The following KLHL1 variants were observed in gnomAD, a reference collection of about 807,000 sequenced individuals.
The protein encoded by KLHL1 is kelch like family member 1.
KLHL1 carries 47 observed loss-of-function variants against 77.7 expected under a neutral mutation model. That is an observed-to-expected ratio of 0.60 (90% CI 0.48 to 0.77). The LOEUF is 0.77. KLHL1 is among the 30% of genes least tolerant of loss of function. KLHL1 has a pLI of 0.00. For synonymous variants in KLHL1, 360 were observed against 325.2 expected (o/e 1.11, Z -1.15); for missense variants, 925 against 910.8 (o/e 1.02, Z -0.20).
chr13:69,909,980 C>T (rs1882181339), intron 4 of KLHL1, among the ~76,000 whole-genome samples: 1 of 152,054 alleles, frequency 6.6e-6, no homozygotes, highest in Admixed American at 6.6e-5. Flanking sequence ...TTTGGCAAAT[C>T]TCACTGTCTA....
rs146068146 is a variant in KLHL1 at position 70,081,642 on chromosome 13, T to C, written c.497+25561A>G. ...CAAATGGAGAGAGACACTCTCTCTATTAAGATAAATTCTTTCAATGATCAA... is the reference window on the plus strand; with the variant it reads ...CAAATGGAGAGAGACACTCTCTCTACTAAGATAAATTCTTTCAATGATCAA... On this transcript the variant is annotated intron_variant, in intron 1 of 10. Transcript: ENST00000377844. 3.6e-3 allele frequency among the ~76,000 whole-genome samples: 549 copies of C among 152,294 alleles called. 2 individuals carry two copies. Among genetic ancestry groups the C allele is most frequent in the African/African-American group, 0.012 (512 of 41,568 alleles).
intron 1 of KLHL1, among the ~76,000 whole-genome samples, chr13:70,010,303 A>G (rs1488715635): frequency 6.6e-6 from 1 of 152,168 alleles, no homozygotes; most frequent in African/African-American, 2.4e-5. Flanking sequence ...AAGATCAATC[A>G]AAAGCCTGTT....
In KLHL1 at chr13:69,707,814, T is replaced by A. The variant is rs775326955; in HGVS notation, c.2016-18A>T. 1 of 1,606,688 alleles carries A rather than the reference T, an allele frequency of 6.2e-7. No individual in the cohort carries two copies. The highest frequency in any genetic ancestry group is 1.7e-5 in the Admixed American group (1 of 59,546). On this transcript the variant is annotated intron_variant, in intron 9 of 10. Transcript: ENST00000377844. ...GATCATATCTAAAATTCAATGACAA[T>A]AGTACATAACATATTCTAATCACAT... is the stretch of plus-strand genomic sequence containing the variant.
chr13:69,710,838 G>A (rs1477823214), intron 9 of KLHL1, among the ~76,000 whole-genome samples: 1 of 151,796 alleles, frequency 6.6e-6, no homozygotes, highest in East Asian at 1.9e-4. Context: ...TAAGGTGGTG[G>A]GTGTGGGGTC....
chr13:70,018,047 A>G (rs1885701924), intron 1 of KLHL1, among the ~76,000 whole-genome samples: 1 of 105,578 alleles, frequency 9.5e-6, no homozygotes, highest in African/African-American at 3.3e-5. Context: ...AAATAGAACT[A>G]GCGCAAAAAA....
At chr13:69,762,773 C>T (rs1000062985) in intron 7 of KLHL1, among the ~76,000 whole-genome samples, 1 of 150,882 alleles carries the variant, frequency 6.6e-6, no homozygotes, top group African/African-American at 2.4e-5. Context: ...TTTCTTATGT[C>T]TCTATGAACA....
At chr13:69,945,574 TAAAG>T (rs954754360) in intron 3 of KLHL1, among the ~76,000 whole-genome samples, 3 of 151,988 alleles carry the variant, frequency 2.0e-5, no homozygotes, top group African/African-American at 7.2e-5. Context: ...ACGGAATATA[TAAAG>T]AATTTTCGAA....
At chr13:70,068,201 C>T (rs891168424) in intron 1 of KLHL1, among the ~76,000 whole-genome samples, 9 of 151,918 alleles carry the variant, frequency 5.9e-5, no homozygotes, top group East Asian at 3.9e-4. Context: ...ATTGGCCGGG[C>T]GTGGTGGCGG....
rs78816219 is a variant in KLHL1, at chr13:69,922,633, A to C, written c.1014+17407T>G. ...CATTGGAAAATGTATGATTTAATTCAGCTCCTGTGTAGCTCAATAACAAGC... is the reference window on the plus strand; with the variant it reads ...CATTGGAAAATGTATGATTTAATTCCGCTCCTGTGTAGCTCAATAACAAGC... On this transcript the variant is annotated intron_variant, in intron 4 of 10. Transcript: ENST00000377844. 3.2e-4 allele frequency among the ~76,000 whole-genome samples: 48 copies of C among 152,334 alleles called. No individual in the cohort carries two copies. In the East Asian group the frequency reaches 6.4e-3, roughly 20 times the overall value.
At chr13:69,825,777 G>A (rs1450548126) in intron 6 of KLHL1, among the ~76,000 whole-genome samples, 1 of 152,124 alleles carries the variant, frequency 6.6e-6, no homozygotes, top group Non-Finnish European at 1.5e-5. Context: ...AAATCAGACA[G>A]CCCTTGATAA....
At chr13:69,780,721 T>TATACAC (rs1555267671) in intron 7 of KLHL1, among the ~76,000 whole-genome samples, 8 of 62,874 alleles carry the variant, frequency 1.3e-4, no homozygotes, top group African/African-American at 4.8e-4. Flanking sequence ...TATATGTATA[T>TATACAC]ATATATATAT....
At chr13:70,002,296 G>T (rs2501242) in intron 1 of KLHL1, among the ~76,000 whole-genome samples, 49,106 of 151,348 alleles carry the variant, frequency 0.32, 9,315 homozygotes, top group African/African-American at 0.54. Context: ...TTTAAAGAAT[G>T]ATTAATGTGT....
intron 7 of KLHL1, among the ~76,000 whole-genome samples, chr13:69,782,267 A>G (rs1361901518): frequency 6.6e-6 from 1 of 152,174 alleles, no homozygotes; most frequent in Non-Finnish European, 1.5e-5. Context: ...CTGCATTTCC[A>G]TCTGAGGTAC....
chr13:70,106,043 CAT>C (rs1297154332), intron 1 of KLHL1, among the ~76,000 whole-genome samples: 1 of 150,944 alleles, frequency 6.6e-6, no homozygotes, highest in East Asian at 1.9e-4. Flanking sequence ...TCTATAACCA[CAT>C]ATGTCAGCAT....
At chr13:69,954,605 A>G (rs1446414087) in intron 3 of KLHL1, among the ~76,000 whole-genome samples, 1 of 151,270 alleles carries the variant, frequency 6.6e-6, no homozygotes, top group Non-Finnish European at 1.5e-5. Context: ...CATAACCCTT[A>G]CTCCTAAATA....
chr13:69,985,819 T>TTA (rs1185458948), intron 1 of KLHL1, among the ~76,000 whole-genome samples: 11 of 146,550 alleles, frequency 7.5e-5, no homozygotes, highest in Non-Finnish European at 1.3e-4. Flanking sequence ...ATATTATATA[T>TTA]TATATATATA....
chr13:70,101,435 A>T (rs190682909), intron 1 of KLHL1, among the ~76,000 whole-genome samples: 1 of 151,714 alleles, frequency 6.6e-6, no homozygotes, highest in Non-Finnish European at 1.5e-5. Context: ...ATATATATAT[A>T]ATTTTTTTTT....
chr13:70,036,281 T>C (rs1886236732), intron 1 of KLHL1, among the ~76,000 whole-genome samples: 1 of 151,954 alleles, frequency 6.6e-6, no homozygotes, highest in South Asian at 2.1e-4. Flanking sequence ...AGTTTTATTA[T>C]AAACAAACAC....
intron 6 of KLHL1, among the ~76,000 whole-genome samples, chr13:69,823,154 A>C (rs1332174537): frequency 1.3e-5 from 2 of 152,010 alleles, no homozygotes; most frequent in African/African-American, 2.4e-5. Flanking sequence ...GGCTGCATCC[A>C]TCATTTATTG....
Sources: allele counts gnomAD v4.1 joint callset (sites outside exome capture counted in the v4.1 genomes callset), GRCh38; gene constraint gnomAD v4.1.1; transcripts MANE v1.5; gene names NCBI Gene and HGNC (gene_info 2026-07-23, HGNC 2026-07-21).